Variants in AGPS observed in about 807,000 individuals in gnomAD.
The protein encoded by AGPS is alkylglycerone phosphate synthase.
AGPS carries 26 observed loss-of-function variants against 90.7 expected under a neutral mutation model. The observed-to-expected ratio is 0.29, with a 90% CI of 0.21 to 0.40. The LOEUF (loss-of-function observed/expected upper bound fraction) is 0.40. Ranked by LOEUF, AGPS falls within the 10% of genes least tolerant of loss-of-function variation. AGPS has a pLI of 1.00. For synonymous variants in AGPS, 294 were observed against 285.3 expected, an observed-to-expected ratio of 1.03 and a Z score of -0.31; for missense variants, 540 against 816.1, an observed-to-expected ratio of 0.66 and a Z score of 4.12.
intron 10 of AGPS, among the ~76,000 whole-genome samples, chr2:177,469,452 T>C (rs1007189823): frequency 6.6e-6 from 1 of 152,178 alleles, no homozygotes; most frequent in Non-Finnish European, 1.5e-5. Context: ...AGATCAGTTG[T>C]TTGGCTGATG....
At chr2:177,418,165 A>G (rs1574351693) in intron 1 of AGPS, among the ~76,000 whole-genome samples, 1 of 152,132 alleles carries the variant, frequency 6.6e-6, no homozygotes, top group Admixed American at 6.5e-5. Context: ...GAAAAGAGAG[A>G]AAAAGGTACC....
chr2:177,458,480 A>G (rs1687187756), intron 8 of AGPS, among the ~76,000 whole-genome samples: 2 of 152,206 alleles, frequency 1.3e-5, no homozygotes, highest in African/African-American at 2.4e-5. Flanking sequence ...CTGATAAGCA[A>G]CTTCCACAAA....
chr2:177,510,524 A>G (rs1688839425), intron 16 of AGPS, among the ~76,000 whole-genome samples: 1 of 152,202 alleles, frequency 6.6e-6, no homozygotes. Flanking sequence ...ATCAGTTAGT[A>G]CTGATGATTG....
At chr2:177,415,707 T>A (rs944545200) in intron 1 of AGPS, among the ~76,000 whole-genome samples, 3 of 152,186 alleles carry the variant, frequency 2.0e-5, no homozygotes, top group South Asian at 2.1e-4. Context: ...AGTCCTCAAG[T>A]TGATTACATT....
At chr2:177,421,573 A>G (rs999313566) in intron 2 of AGPS, among the ~76,000 whole-genome samples, 1 of 152,092 alleles carries the variant, frequency 6.6e-6, no homozygotes, top group Non-Finnish European at 1.5e-5. Context: ...AATAAATATT[A>G]TCTGTGTTCT....
chr2:177,401,714 T>G (rs1685336376), intron 1 of AGPS, among the ~76,000 whole-genome samples: 1 of 152,104 alleles, frequency 6.6e-6, no homozygotes, highest in Non-Finnish European at 1.5e-5. Flanking sequence ...CTGGCTAATT[T>G]TTGTATTTTT....
intron 1 of AGPS, among the ~76,000 whole-genome samples, chr2:177,415,042 T>A (rs1574349387): frequency 6.6e-6 from 1 of 152,070 alleles, no homozygotes; most frequent in African/African-American, 2.4e-5. Flanking sequence ...TATTTTTAAT[T>A]CCCTTAAATG....
intron 11 of AGPS, among the ~76,000 whole-genome samples, chr2:177,488,235 C>T (rs531516882): frequency 4.1e-5 from 6 of 147,352 alleles, no homozygotes; most frequent in East Asian, 2.0e-4. Context: ...TTTTTTGAGA[C>T]GGATTCTCTC....
chr2:177,497,038 G>C (rs1688433823), intron 12 of AGPS, among the ~76,000 whole-genome samples: 1 of 152,006 alleles, frequency 6.6e-6, no homozygotes. Flanking sequence ...GAGTTGAGTC[G>C]TTACTACTTT....
At chr2:177,435,114 T>C (rs1014625697) in intron 3 of AGPS, among the ~76,000 whole-genome samples, 1 of 151,080 alleles carries the variant, frequency 6.6e-6, no homozygotes, top group Non-Finnish European at 1.5e-5. Context: ...ATTTTTGATG[T>C]GTTTTTATTA....
Position 177,525,103 on chromosome 2 carries a change from A to G in AGPS, c.1855+1298A>G, listed in dbSNP as rs115087839. The stretch of plus-strand genomic sequence containing the variant: ...TGGTGGTTCTCATGAATGCTAGCAT[A>G]ACAAAAATGGAAAAGGGAGGGAAAT... On this transcript the variant is annotated intron_variant, in intron 19 of 19. Transcript: ENST00000264167. Among the ~76,000 whole-genome samples, 795 of 152,256 alleles carry G rather than the reference A, an allele frequency of 5.2e-3. 8 individuals are homozygous for G. The highest frequency in any genetic ancestry group is 0.018 in the African/African-American group (747 of 41,536).
At chr2:177,488,216 C>CTT (rs772897996) in intron 11 of AGPS, among the ~76,000 whole-genome samples, 5 of 143,736 alleles carry the variant, frequency 3.5e-5, no homozygotes, top group South Asian at 2.2e-4. Context: ...CTTTTTTGAA[C>CTT]TTTTTTTTTT....
intron 1 of AGPS, among the ~76,000 whole-genome samples, chr2:177,406,684 T>C (rs1462686975): frequency 6.6e-6 from 1 of 152,244 alleles, no homozygotes; most frequent in African/African-American, 2.4e-5. Context: ...ATTTTGACTT[T>C]TGGTAGAAGC....
At chr2:177,475,640 C>CT (rs1211682370) in intron 10 of AGPS, among the ~76,000 whole-genome samples, 4 of 152,110 alleles carry the variant, frequency 2.6e-5, no homozygotes, top group East Asian at 1.9e-4. Context: ...TACCTCATTC[C>CT]TTTTTTTATA....
At chr2:177,500,882 A>T (rs1339738922) in intron 14 of AGPS, among the ~76,000 whole-genome samples, 1 of 152,136 alleles carries the variant, frequency 6.6e-6, no homozygotes, top group African/African-American at 2.4e-5. Context: ...CTTGAATTTC[A>T]GGTCATCTCA....
At chr2:177,507,715 G>A (rs1387481483) in intron 15 of AGPS, among the ~76,000 whole-genome samples, 2 of 152,198 alleles carry the variant, frequency 1.3e-5, no homozygotes, top group East Asian at 3.8e-4. Context: ...ATAAATTTGA[G>A]TTCTTGCCCT....
intron 10 of AGPS, among the ~76,000 whole-genome samples, chr2:177,481,552 TTCTC>T (rs956050175): frequency 3.9e-5 from 6 of 151,966 alleles, no homozygotes; most frequent in African/African-American, 1.2e-4. Context: ...CCTTTATCTT[TTCTC>T]TCTATTAATT....
rs144770174 is a variant in AGPS at position 177,506,184 on chromosome 2, A to G, written c.1545+609A>G. On this transcript the variant is annotated intron_variant, in intron 15 of 19. Transcript: ENST00000264167. ...GTTTTTCTACTTTGTAACAAATTCA[A>G]ATTTCTTAATTGCTTTCTGCTGTTG... Among the ~76,000 whole-genome samples, 833 of 150,392 alleles carry G rather than the reference A, an allele frequency of 5.5e-3. 2 individuals carry two copies. The highest frequency in any genetic ancestry group is 0.011 in the South Asian group (51 of 4,752).
intron 16 of AGPS, among the ~76,000 whole-genome samples, chr2:177,513,020 T>G (rs2105725774): frequency 6.6e-6 from 1 of 152,070 alleles, no homozygotes; most frequent in South Asian, 2.1e-4. Flanking sequence ...ATTTTTTTGA[T>G]TTTTAGTAGA....
Sources: gnomAD v4.1 joint callset for allele counts (sites outside exome capture counted in the v4.1 genomes callset) on GRCh38, gnomAD v4.1.1 for gene constraint, MANE v1.5 for transcripts, NCBI Gene and HGNC (gene_info 2026-07-23, HGNC 2026-07-21) for gene names.